KCNQ5: variants seen among roughly 807,000 people sequenced by gnomAD.
KCNQ5 encodes the protein potassium voltage-gated channel subfamily Q member 5.
KCNQ5 carries 30 observed loss-of-function variants against 98.2 expected under a neutral mutation model. That is an observed-to-expected ratio of 0.31 (90% CI 0.23 to 0.41). KCNQ5 has a LOEUF of 0.41. Ranked by LOEUF, KCNQ5 falls within the 10% of genes least tolerant of loss-of-function variation. KCNQ5 has a pLI of 1.00. For missense variants in KCNQ5, 835 were observed against 1,182.5 expected (o/e 0.71, Z 4.31); for synonymous variants, 458 against 449.4 (o/e 1.02, Z -0.24).
chr6:72,815,679 G>A (rs1207526062), intron 1 of KCNQ5, among the ~76,000 whole-genome samples: 8 of 152,190 alleles, frequency 5.3e-5, no homozygotes, highest in Admixed American at 5.2e-4. Context: ...GCGTCAGGAA[G>A]TCACATCATT....
intron 1 of KCNQ5, among the ~76,000 whole-genome samples, chr6:72,635,389 CAT>C (rs2098923449): frequency 6.6e-6 from 1 of 152,102 alleles, no homozygotes; most frequent in South Asian, 2.1e-4. Context: ...TTTATACAGT[CAT>C]CATGGAATAC....
At chr6:72,849,686 C>T (rs1777166424) in intron 1 of KCNQ5, among the ~76,000 whole-genome samples, 1 of 152,134 alleles carries the variant, frequency 6.6e-6, no homozygotes, top group African/African-American at 2.4e-5. Context: ...AACAATGTAT[C>T]AATGTTTCTT....
intron 2 of KCNQ5, among the ~76,000 whole-genome samples, chr6:73,025,167 T>C (rs1770815818): frequency 6.6e-6 from 1 of 152,186 alleles, no homozygotes; most frequent in Non-Finnish European, 1.5e-5. Flanking sequence ...TTCTCTCTAT[T>C]GTCATATTCT....
chr6:72,898,657 T>C (rs557630131), intron 1 of KCNQ5, among the ~76,000 whole-genome samples: 4 of 152,354 alleles, frequency 2.6e-5, no homozygotes, highest in South Asian at 2.1e-4. Flanking sequence ...ATCTTTATAA[T>C]AGAATGATTT....
At chr6:72,815,347 G>T (rs904201329) in intron 1 of KCNQ5, among the ~76,000 whole-genome samples, 5 of 152,172 alleles carry the variant, frequency 3.3e-5, no homozygotes, top group Non-Finnish European at 7.4e-5. Context: ...CAGGTGTAAA[G>T]TTCTATGTGG....
intron 1 of KCNQ5, among the ~76,000 whole-genome samples, chr6:72,728,222 G>A (rs1997914): frequency 0.37 from 55,677 of 151,852 alleles, 13,828 homozygotes; most frequent in African/African-American, 0.67. Context: ...ACAATTATTC[G>A]CATGCCACCC....
At chr6:73,035,420 T>C (rs1023522474) in intron 2 of KCNQ5, among the ~76,000 whole-genome samples, 1 of 152,212 alleles carries the variant, frequency 6.6e-6, no homozygotes, top group African/African-American at 2.4e-5. Flanking sequence ...TTCTGAATAT[T>C]ATTCACTAAT....
intron 1 of KCNQ5, among the ~76,000 whole-genome samples, chr6:72,968,414 G>T (rs902975585): frequency 1.1e-4 from 17 of 150,984 alleles, no homozygotes; most frequent in African/African-American, 4.1e-4. Context: ...GTGAAGAAAA[G>T]AATCTCAAAG....
chr6:73,014,343 G>T (rs1231086468), intron 2 of KCNQ5, among the ~76,000 whole-genome samples: 1 of 152,006 alleles, frequency 6.6e-6, no homozygotes, highest in African/African-American at 2.4e-5. Context: ...AATTCTTATT[G>T]CAGGTTATCA....
intron 1 of KCNQ5, among the ~76,000 whole-genome samples, chr6:72,960,981 T>C (rs535891436): frequency 6.6e-6 from 1 of 152,240 alleles, no homozygotes; most frequent in East Asian, 1.9e-4. Context: ...TTAAAAAAAA[T>C]GCAGTTAGAG....
intron 1 of KCNQ5, among the ~76,000 whole-genome samples, chr6:72,903,827 G>C (rs963546712): frequency 1.3e-5 from 2 of 152,192 alleles, no homozygotes; most frequent in African/African-American, 4.8e-5. Flanking sequence ...GGAATGTTCT[G>C]TATATATCTG....
intron 1 of KCNQ5, among the ~76,000 whole-genome samples, chr6:72,829,653 T>C (rs988645433): frequency 1.3e-5 from 2 of 152,190 alleles, no homozygotes; most frequent in Non-Finnish European, 2.9e-5. Flanking sequence ...ACATGTATTA[T>C]TTGGACAATT....
At chr6:73,169,586 A>T (rs1287219378) in intron 10 of KCNQ5, among the ~76,000 whole-genome samples, 160 bp from the exon 11 acceptor site, 2 of 152,240 alleles carry the variant, frequency 1.3e-5, no homozygotes, top group Non-Finnish European at 2.9e-5. Context: ...TAGAAAAAGA[A>T]GAAAGAATAA....
At chr6:73,055,659 G>A (rs1418776459) in intron 3 of KCNQ5, 4 of 1,139,606 alleles carry the variant, frequency 3.5e-6, no homozygotes, top group Non-Finnish European at 5.3e-6. Flanking sequence ...AACAGCCTCT[G>A]GGGCACTGAC....
At chr6:72,741,178 G>C (rs1461136999) in intron 1 of KCNQ5, among the ~76,000 whole-genome samples, 1 of 152,244 alleles carries the variant, frequency 6.6e-6, no homozygotes, top group African/African-American at 2.4e-5. Flanking sequence ...TGATTGGCAT[G>C]AGCTTGAATG....
chr6:72,943,823 T>A (rs933851436), intron 1 of KCNQ5, among the ~76,000 whole-genome samples: 1 of 152,208 alleles, frequency 6.6e-6, no homozygotes, highest in Non-Finnish European at 1.5e-5. Flanking sequence ...TAGCTCCTAC[T>A]TTGCACAAGG....
chr6:72,730,411 A>G (rs879422152), intron 1 of KCNQ5, among the ~76,000 whole-genome samples: 4 of 152,134 alleles, frequency 2.6e-5, no homozygotes, highest in Admixed American at 6.5e-5. Context: ...TTGAGGTTAT[A>G]AAAAGAATTC....
chr6:73,145,756 A>G lies in KCNQ5; in HGVS notation c.1468+12115A>G, dbSNP rs1222038232. 2.6e-5 allele frequency among the ~76,000 whole-genome samples: 4 copies of G among 152,318 alleles called. No individual in the cohort carries two copies. In the East Asian group the frequency reaches 5.8e-4, roughly 22 times the overall value. On this transcript the variant is annotated intron_variant, in intron 10 of 13. Coordinates refer to ENST00000370398, the MANE Select transcript of KCNQ5 (RefSeq NM_019842.4). ...CAGATCTGTATTAGTTTTTTCGCAC[A>G]CTGCTATAAAGAACTACCTGAGACT...
At chr6:72,626,754 G>T (rs2098918171) in intron 1 of KCNQ5, among the ~76,000 whole-genome samples, 1 of 152,198 alleles carries the variant, frequency 6.6e-6, no homozygotes, top group Non-Finnish European at 1.5e-5. Flanking sequence ...ACTATATGCT[G>T]TGGATCATAC....
Sources: allele counts gnomAD v4.1 joint callset (sites outside exome capture counted in the v4.1 genomes callset), GRCh38; gene constraint gnomAD v4.1.1; transcripts MANE v1.5; gene names NCBI Gene and HGNC (gene_info 2026-07-23, HGNC 2026-07-21).